KCNJ15: variants seen among roughly 807,000 people sequenced by gnomAD.
KCNJ15 encodes potassium inwardly rectifying channel subfamily J member 15.
A neutral mutation model predicts 23.0 loss-of-function variants in KCNJ15; 14 were observed. The ratio of observed to expected loss-of-function variants is 0.61; its 90% CI spans 0.40 to 0.95. The LOEUF is 0.95. Among genes scored for constraint, KCNJ15 ranks in the 40% least tolerant of loss-of-function variants. KCNJ15 has a pLI of 0.00. For synonymous variants in KCNJ15, 185 were observed against 183.2 expected (o/e 1.01, Z -0.08); for missense variants, 388 against 461.8 (o/e 0.84, Z 1.46).
chr21:38,295,235 G>A (rs1177902403), intron 1 of KCNJ15, among the ~76,000 whole-genome samples: 1 of 152,182 alleles, frequency 6.6e-6, no homozygotes, highest in Non-Finnish European at 1.5e-5. Context: ...GCTTTTAGTA[G>A]TGGTATTTTT....
chr21:38,258,462 G>A (rs1318136696), intron 1 of KCNJ15, among the ~76,000 whole-genome samples: 1 of 152,106 alleles, frequency 6.6e-6, no homozygotes, highest in Non-Finnish European at 1.5e-5. Context: ...TTACTTTTTA[G>A]CAGTTTTTCT....
At chr21:38,283,630 T>C (rs530465289) in intron 1 of KCNJ15, among the ~76,000 whole-genome samples, 1 of 152,314 alleles carries the variant, frequency 6.6e-6, no homozygotes. Context: ...CTATCATACA[T>C]TTCCTATTAA....
At chr21:38,275,519 CAAAAAAAAAAAAA>C (rs10709944) in intron 1 of KCNJ15, among the ~76,000 whole-genome samples, 2 of 88,098 alleles carry the variant, frequency 2.3e-5, no homozygotes, top group East Asian at 6.8e-4. Context: ...GAAACTCCGT[CAAAAAAAAAAAAA>C]AAAAAAAAAG....
Position 38,288,026 on chromosome 21 carries a change from C to CTTTT in KCNJ15, c.-116-8897_-116-8896insTTTT, listed in dbSNP as rs1171718120. ...CCATTGTTAAATAACTTGTTTTTTT[C>CTTTT]TTTGTTTTTTTTTTTTTTTTTTTTT... On this transcript the variant is annotated intron_variant, in intron 1 of 2. Coordinates refer to ENST00000398938, the MANE Select transcript of KCNJ15 (RefSeq NM_170736.3). Among the ~76,000 whole-genome samples the CTTTT allele has an allele frequency of 4.1e-3, 321 of 78,188 alleles. 77 individuals carry two copies. Among genetic ancestry groups the CTTTT allele is most frequent in the East Asian group, 0.012 (31 of 2,486 alleles). 51.3% of individuals were successfully genotyped at this position (78,188 alleles called of 152,430 possible).
At chr21:38,244,018 T>G (rs16996010) in intron 1 of KCNJ15, among the ~76,000 whole-genome samples, 1,767 of 152,334 alleles carry the variant, frequency 0.012, 32 homozygotes, top group African/African-American at 0.041. Flanking sequence ...TGAATAAAGA[T>G]TTGCTAAGTG....
At chr21:38,295,201 AC>A (rs1985014674) in intron 1 of KCNJ15, among the ~76,000 whole-genome samples, 1 of 152,218 alleles carries the variant, frequency 6.6e-6, no homozygotes, top group South Asian at 2.1e-4. Flanking sequence ...GAAACAAAAG[AC>A]AACATTCTAT....
At chr21:38,244,024 A>G (rs1481830105) in intron 1 of KCNJ15, among the ~76,000 whole-genome samples, 1 of 152,230 alleles carries the variant, frequency 6.6e-6, no homozygotes, top group Non-Finnish European at 1.5e-5. Context: ...AAGATTTGCT[A>G]AGTGACCCTC....
intron 1 of KCNJ15, among the ~76,000 whole-genome samples, chr21:38,265,338 G>A (rs1284226908): frequency 6.6e-6 from 1 of 152,330 alleles, no homozygotes; most frequent in East Asian, 1.9e-4. Flanking sequence ...TGGCATTTCA[G>A]AGTCTAGGGC....
intron 1 of KCNJ15, among the ~76,000 whole-genome samples, chr21:38,267,543 C>A (rs1395410870): frequency 1.3e-5 from 2 of 152,192 alleles, no homozygotes; most frequent in East Asian, 3.9e-4. Context: ...AGCAATGAGT[C>A]TGCTGACCCA....
rs1445595307 is a variant in KCNJ15, at chr21:38,238,660, G to A, written c.-398-18386G>A. The stretch of plus-strand genomic sequence containing the variant: ...GTGGGCTGACACGGAATTGGCGCTG[G>A]GCTCTGGAGACTGTAATGTTTTAAA... On this transcript the variant is annotated intron_variant, in intron 1 of 4. Transcript: ENST00000547341. 7 of 545,068 alleles carry A rather than the reference G, an allele frequency of 1.3e-5. No homozygotes were observed. In the African/African-American group the frequency reaches 1.3e-4, roughly 10 times the overall value. The allele number at this position is 545,068 out of a possible 1,614,324, so 33.8% of individuals were successfully genotyped here. A position where few individuals can be genotyped will look rare whatever the true frequency, so the allele number is the denominator to read the frequency against.
intron 1 of KCNJ15, among the ~76,000 whole-genome samples, chr21:38,247,931 TG>T (rs1259657249): frequency 6.6e-6 from 1 of 152,228 alleles, no homozygotes; most frequent in Non-Finnish European, 1.5e-5. Flanking sequence ...CTTGCTGGCG[TG>T]GGCTTCCTGT....
rs3787883 is a variant in KCNJ15 at position 38,267,916 on chromosome 21, G to C, written c.-117+10731G>C. ...TCATGACTTAAAAAGTATATGCTTA[G>C]CTTGGAGAGGGGGTTACATCTGTTC... On this transcript the variant is annotated intron_variant, in intron 1 of 2. Transcript: ENST00000398938. Among the ~76,000 whole-genome samples the C allele has an allele frequency of 3.5e-3, 527 of 152,258 alleles. 14 individuals are homozygous for C. Among genetic ancestry groups the C allele is most frequent in the East Asian group, 0.028 (146 of 5,178 alleles).
chr21:38,263,433 T>C (rs1345289499), intron 1 of KCNJ15, among the ~76,000 whole-genome samples: 4 of 152,182 alleles, frequency 2.6e-5, no homozygotes, highest in Non-Finnish European at 5.9e-5. Context: ...TGCACTCAAA[T>C]AGGTTCAGAA....
At chr21:38,247,539 TG>T (rs1979520847) in intron 1 of KCNJ15, among the ~76,000 whole-genome samples, 1 of 133,974 alleles carries the variant, frequency 7.5e-6, no homozygotes, top group African/African-American at 3.5e-5. Context: ...GATGGATGGA[TG>T]GATGGATGGA....
upstream of KCNJ15, chr21:38,256,872 C>T (rs1980288127): frequency 6.6e-6 from 1 of 151,834 alleles, no homozygotes; most frequent in Non-Finnish European, 1.5e-5. Context: ...CTCTTTCTCC[C>T]CCACTCTCTC....
chr21:38,291,389 T>C (rs1410632751), intron 1 of KCNJ15, among the ~76,000 whole-genome samples: 2 of 152,200 alleles, frequency 1.3e-5, no homozygotes, highest in African/African-American at 2.4e-5. Context: ...TTCTACTACC[T>C]GTTTGCTTTT....
intron 1 of KCNJ15, among the ~76,000 whole-genome samples, chr21:38,271,327 G>A (rs1295329990): frequency 1.3e-5 from 2 of 152,180 alleles, no homozygotes; most frequent in Non-Finnish European, 2.9e-5. Context: ...AGGTTTTGCA[G>A]GACACAGAAG....
intron 1 of KCNJ15, among the ~76,000 whole-genome samples, chr21:38,274,463 T>A (rs1415884818): frequency 6.6e-6 from 1 of 152,244 alleles, no homozygotes; most frequent in Non-Finnish European, 1.5e-5. Context: ...TTCTATAACT[T>A]GTCTTCCTTC....
chr21:38,258,249 C>A (rs1171609963), intron 1 of KCNJ15, among the ~76,000 whole-genome samples: 4 of 152,196 alleles, frequency 2.6e-5, no homozygotes, highest in Non-Finnish European at 5.9e-5. Flanking sequence ...CCTTAGGTGA[C>A]AAATTCTCTC....
Sources: allele counts gnomAD v4.1 joint callset (sites outside exome capture counted in the v4.1 genomes callset), GRCh38; gene constraint gnomAD v4.1.1; transcripts MANE v1.5; gene names NCBI Gene and HGNC (gene_info 2026-07-23, HGNC 2026-07-21).